MLIP: variants seen among roughly 807,000 people sequenced by gnomAD.
The protein encoded by MLIP is muscular LMNA-interacting protein.
A neutral mutation model predicts 84.8 loss-of-function variants in MLIP; 79 were observed. The ratio of observed to expected loss-of-function variants is 0.93; its 90% CI spans 0.78 to 1.12. The LOEUF is 1.12. Among genes scored for constraint, MLIP ranks in the 50% most tolerant of loss-of-function variants. The probability of loss-of-function intolerance (pLI) is 0.00; values close to 1 mark genes in which losing one functional copy is unlikely to be tolerated. For synonymous variants in MLIP, 504 were observed against 463.0 expected (o/e 1.09, Z -1.14); for missense variants, 1,257 against 1,160.6 (o/e 1.08, Z -1.21).
At chr6:54,264,268 A>T (rs540187410) in intron 13 of MLIP, among the ~76,000 whole-genome samples, 40 of 152,190 alleles carry the variant, frequency 2.6e-4, no homozygotes, top group African/African-American at 8.9e-4. Context: ...ATTTAATGTT[A>T]TAATCCCATC....
At chr6:54,167,125 C>T (rs1275837590) in intron 8 of MLIP, among the ~76,000 whole-genome samples, 1 of 151,830 alleles carries the variant, frequency 6.6e-6, no homozygotes, top group Non-Finnish European at 1.5e-5. Context: ...GTCCCTATAC[C>T]CCTGACTCAC....
chr6:54,162,373 G>A (rs1183827113), intron 8 of MLIP, among the ~76,000 whole-genome samples: 1 of 151,998 alleles, frequency 6.6e-6, no homozygotes, highest in African/African-American at 2.4e-5. Flanking sequence ...ACTGAGCTAG[G>A]GATGAACAGT....
At chr6:54,058,495 A>G (rs2150327951) in intron 1 of MLIP, among the ~76,000 whole-genome samples, 1 of 152,330 alleles carries the variant, frequency 6.6e-6, no homozygotes, top group African/African-American at 2.4e-5. Flanking sequence ...GATGTGCTCT[A>G]TGGCCTTATG....
intron 11 of MLIP, among the ~76,000 whole-genome samples, chr6:54,211,903 G>T (rs1481349983): frequency 1.3e-5 from 2 of 152,144 alleles, no homozygotes; most frequent in Non-Finnish European, 2.9e-5. Context: ...GGGCAATTCA[G>T]TTCAACCAAC....
At chr6:54,245,471 A>G (rs1782015792) in intron 12 of MLIP, among the ~76,000 whole-genome samples, 1 of 152,194 alleles carries the variant, frequency 6.6e-6, no homozygotes, top group African/African-American at 2.4e-5. Flanking sequence ...AGAGTCGAGT[A>G]ACTCAGGGTT....
rs570245380 is a variant in MLIP, at chr6:54,215,784, T to A, written c.2718+13551T>A. The A allele has an allele frequency of 2.6e-5, 4 of 152,518 alleles. No individual in the cohort carries two copies. The South Asian group carries it at 8.3e-4, about 31-fold the overall frequency. The allele number at this position is 152,518 out of a possible 1,614,324, so 9.4% of individuals were successfully genotyped here. Reference sequence around the variant, plus strand: ...ATTTTTCCTTTTCACTTAAATCCCTTATTAAGACAATAATAGATTCAAAAC... The same window carrying A: ...ATTTTTCCTTTTCACTTAAATCCCTAATTAAGACAATAATAGATTCAAAAC... On this transcript the variant is annotated intron_variant, in intron 11 of 13. Transcript: ENST00000502396.
chr6:54,176,927 A>T (rs1027623376), intron 9 of MLIP, among the ~76,000 whole-genome samples: 4 of 152,240 alleles, frequency 2.6e-5, no homozygotes, highest in Admixed American at 2.6e-4. Context: ...TCTTCAACAA[A>T]CCTGACAAAA....
At chr6:54,176,265 C>T (rs1776273042) in intron 9 of MLIP, among the ~76,000 whole-genome samples, 2 of 151,076 alleles carry the variant, frequency 1.3e-5, no homozygotes, top group Admixed American at 6.6e-5. Flanking sequence ...TGTAGTATTC[C>T]CTTCTCCTTT....
At chr6:54,084,718 G>T (rs1767375435) in intron 1 of MLIP, among the ~76,000 whole-genome samples, 1 of 152,034 alleles carries the variant, frequency 6.6e-6, no homozygotes, top group Non-Finnish European at 1.5e-5. Context: ...CATTTTTTAA[G>T]CTTGTTGCCC....
intron 1 of MLIP, among the ~76,000 whole-genome samples, chr6:54,098,878 G>A (rs2150384977): frequency 6.6e-6 from 1 of 152,230 alleles, no homozygotes; most frequent in East Asian, 1.9e-4. Context: ...TTACAGATGA[G>A]AAAATCGAGG....
upstream of MLIP, among the ~76,000 whole-genome samples, chr6:54,106,907 A>G (rs1407240): frequency 1.6e-3 from 250 of 152,286 alleles, 1 homozygote; most frequent in African/African-American, 5.7e-3. Context: ...TCACCAAGGA[A>G]TGACTCCTGG....
chr6:54,206,521 T>G (rs1430169999), intron 11 of MLIP, among the ~76,000 whole-genome samples: 1 of 152,186 alleles, frequency 6.6e-6, no homozygotes, highest in Non-Finnish European at 1.5e-5. Flanking sequence ...ATATTTTCTA[T>G]GAAGATGACC....
At chr6:54,037,618 GC>G (rs1764519263) in intron 1 of MLIP, among the ~76,000 whole-genome samples, 1 of 151,992 alleles carries the variant, frequency 6.6e-6, no homozygotes, top group Non-Finnish European at 1.5e-5. Flanking sequence ...GGAGTAGTCT[GC>G]TAGTCTTTGG....
At chr6:54,238,498 A>G (rs1781509977) in intron 12 of MLIP, among the ~76,000 whole-genome samples, 1 of 152,184 alleles carries the variant, frequency 6.6e-6, no homozygotes, top group African/African-American at 2.4e-5. Flanking sequence ...ACTACAAGCC[A>G]TGTAGACAGG....
At chr6:54,197,769 A>G (rs1158719441) in intron 10 of MLIP, among the ~76,000 whole-genome samples, 1 of 152,090 alleles carries the variant, frequency 6.6e-6, no homozygotes, top group Non-Finnish European at 1.5e-5. Flanking sequence ...TCTTAAGGCT[A>G]GTTTAGTTGT....
At chr6:54,063,671 T>C (rs983639091) in intron 1 of MLIP, among the ~76,000 whole-genome samples, 2 of 145,286 alleles carry the variant, frequency 1.4e-5, no homozygotes, top group African/African-American at 5.4e-5. Flanking sequence ...TTTTAAAAAA[T>C]GGACATGATT....
intron 11 of MLIP, among the ~76,000 whole-genome samples, chr6:54,230,508 C>A (rs1443605167): frequency 2.6e-5 from 4 of 152,076 alleles, no homozygotes; most frequent in Non-Finnish European, 4.4e-5. Flanking sequence ...GCAGAAGAGG[C>A]TGGAGGCAGG....
intron 12 of MLIP, among the ~76,000 whole-genome samples, chr6:54,239,576 G>A (rs1225018043): frequency 1.3e-5 from 2 of 150,090 alleles, no homozygotes; most frequent in Non-Finnish European, 3.0e-5. Context: ...TTCAAGACCA[G>A]CCTGACCAAC....
intron 9 of MLIP, among the ~76,000 whole-genome samples, chr6:54,187,777 T>G (rs1456925706): frequency 6.6e-6 from 1 of 152,154 alleles, no homozygotes; most frequent in African/African-American, 2.4e-5. Flanking sequence ...TTCATCATTA[T>G]GTGAGCATCA....
Sources: gnomAD v4.1 joint callset for allele counts (sites outside exome capture counted in the v4.1 genomes callset) on GRCh38, gnomAD v4.1.1 for gene constraint, MANE v1.5 for transcripts, NCBI Gene and HGNC (gene_info 2026-07-23, HGNC 2026-07-21) for gene names.